The following SUGCT variants were observed in gnomAD, a reference collection of about 807,000 sequenced individuals.
SUGCT encodes the protein succinyl-CoA:glutarate-CoA transferase, also known as succinyl-CoA:glutarate CoA-transferase.
SUGCT carries 41 observed loss-of-function variants against 55.0 expected under a neutral mutation model. That is an observed-to-expected ratio of 0.74 (90% CI 0.58 to 0.97). The LOEUF (loss-of-function observed/expected upper bound fraction) is 0.97. Ranked by LOEUF, SUGCT falls within the 50% of genes least tolerant of loss-of-function variation. SUGCT has a pLI of 0.00. For synonymous variants in SUGCT, 187 were observed against 200.4 expected, an observed-to-expected ratio of 0.93 and a Z score of 0.56; for missense variants, 568 against 547.8, an observed-to-expected ratio of 1.04 and a Z score of -0.37.
intron 12 of SUGCT, among the ~76,000 whole-genome samples, chr7:40,613,981 T>C (rs1314873922): frequency 6.6e-6 from 1 of 152,240 alleles, no homozygotes; most frequent in Non-Finnish European, 1.5e-5. Context: ...AAGTTATTTC[T>C]GTCATGTTTC....
chr7:40,170,121 T>G (rs1363212903), intron 1 of SUGCT, among the ~76,000 whole-genome samples: 1 of 152,150 alleles, frequency 6.6e-6, no homozygotes, highest in Non-Finnish European at 1.5e-5. Context: ...ATGTTCTGAT[T>G]CTGTGTCCCA....
At chr7:40,442,812 T>C (rs1420118869) in intron 9 of SUGCT, among the ~76,000 whole-genome samples, 1 of 152,176 alleles carries the variant, frequency 6.6e-6, no homozygotes, top group African/African-American at 2.4e-5. Context: ...CATGTTTGTG[T>C]GCTGCACCCA....
chr7:40,738,769 G>A (rs1373629829), intron 12 of SUGCT, among the ~76,000 whole-genome samples: 1 of 152,170 alleles, frequency 6.6e-6, no homozygotes, highest in South Asian at 2.1e-4. Flanking sequence ...TGGATTAAAA[G>A]CCATTTGCTG....
intron 12 of SUGCT, among the ~76,000 whole-genome samples, chr7:40,524,733 T>C (rs369287603): frequency 3.9e-5 from 6 of 152,338 alleles, no homozygotes; most frequent in East Asian, 3.9e-4. Context: ...TGTCACATTA[T>C]TGGCTTCCGT....
intron 9 of SUGCT, among the ~76,000 whole-genome samples, chr7:40,392,233 T>C (rs892945318): frequency 6.6e-6 from 1 of 152,094 alleles, no homozygotes; most frequent in Non-Finnish European, 1.5e-5. Context: ...TGTATACATA[T>C]GTAACAAACC....
At chr7:40,319,426 G>C (rs919431832) in intron 9 of SUGCT, among the ~76,000 whole-genome samples, 3 of 152,118 alleles carry the variant, frequency 2.0e-5, no homozygotes, top group African/African-American at 7.2e-5. Context: ...TTATAATTTA[G>C]TTTTCTGTAA....
At chr7:40,244,809 A>G (rs1251840714) in intron 7 of SUGCT, among the ~76,000 whole-genome samples, 2 of 152,188 alleles carry the variant, frequency 1.3e-5, no homozygotes, top group Non-Finnish European at 2.9e-5. Context: ...CGTATAATTC[A>G]TCATACAAAC....
At chr7:40,749,635 A>G (rs908374281) in intron 13 of SUGCT, 138 bp downstream of exon 13, 3 of 686,150 alleles carry the variant, frequency 4.4e-6, no homozygotes, top group Admixed American at 2.5e-5. Flanking sequence ...TAAAAGGGGA[A>G]TCCTAGGACT....
chr7:40,451,451 A>G (rs1789185159), intron 10 of SUGCT, among the ~76,000 whole-genome samples: 1 of 152,204 alleles, frequency 6.6e-6, no homozygotes. Flanking sequence ...GTACTGAAAT[A>G]TGACTTATTG....
the SUGCT span, among the ~76,000 whole-genome samples, chr7:40,926,895 A>T: frequency 6.6e-6 from 1 of 152,210 alleles, no homozygotes. Flanking sequence ...ATCAAGGCCA[A>T]ATATTAGTTT....
intron 11 of SUGCT, among the ~76,000 whole-genome samples, chr7:40,481,016 C>T (rs962743432): frequency 5.9e-5 from 9 of 152,196 alleles, no homozygotes; most frequent in African/African-American, 1.9e-4. Context: ...GCATAATCAA[C>T]ATTTTTTAAA....
At chr7:40,225,385 T>C (rs140763559) in intron 6 of SUGCT, among the ~76,000 whole-genome samples, 91 of 152,126 alleles carry the variant, frequency 6.0e-4, no homozygotes, top group Middle Eastern at 3.4e-3. Context: ...CAAAGGTTAT[T>C]GATGTAGTAA....
At chr7:41,021,511 A>G in the SUGCT span, among the ~76,000 whole-genome samples, 76 of 152,282 alleles carry the variant, frequency 5.0e-4, no homozygotes, top group East Asian at 0.013. Context: ...CATTCAGAAA[A>G]ACTTTCAGTC....
At chr7:40,150,348 C>G (rs1217271564) in intron 1 of SUGCT, among the ~76,000 whole-genome samples, 1 of 152,160 alleles carries the variant, frequency 6.6e-6, no homozygotes. Context: ...CTGGCTCCCC[C>G]AGTCCTCACC....
intron 12 of SUGCT, among the ~76,000 whole-genome samples, chr7:40,746,310 A>G (rs558383236): frequency 4.9e-4 from 74 of 152,304 alleles, no homozygotes; most frequent in Non-Finnish European, 9.4e-4. Flanking sequence ...TTCCAGGGAC[A>G]GCACTGCCAC....
At chr7:40,872,934 T>A in the SUGCT span, among the ~76,000 whole-genome samples, 1 of 152,076 alleles carries the variant, frequency 6.6e-6, no homozygotes, top group Non-Finnish European at 1.5e-5. Context: ...AAGGCTAAAG[T>A]GTTGAGCATG....
intron 1 of SUGCT, among the ~76,000 whole-genome samples, chr7:40,155,642 C>G (rs1783851136): frequency 6.6e-6 from 1 of 152,134 alleles, no homozygotes; most frequent in Non-Finnish European, 1.5e-5. Flanking sequence ...AAAAAACCAT[C>G]AAGGAACATT....
At chr7:40,196,159 T>C (rs1405815443) in intron 6 of SUGCT, among the ~76,000 whole-genome samples, 1 of 152,206 alleles carries the variant, frequency 6.6e-6, no homozygotes, top group Non-Finnish European at 1.5e-5. Flanking sequence ...GAACCTCTTA[T>C]ATATGCATGT....
the SUGCT span, among the ~76,000 whole-genome samples, chr7:41,033,309 A>G: frequency 6.6e-6 from 1 of 152,134 alleles, no homozygotes; most frequent in East Asian, 1.9e-4. Flanking sequence ...ACTCACTTCC[A>G]CTACCTGCTC....
Sources: gnomAD v4.1 joint callset for allele counts (sites outside exome capture counted in the v4.1 genomes callset) on GRCh38, gnomAD v4.1.1 for gene constraint, MANE v1.5 for transcripts, NCBI Gene and HGNC (gene_info 2026-07-23, HGNC 2026-07-21) for gene names.